AOPEP: variants seen among roughly 807,000 people sequenced by gnomAD.
The protein encoded by AOPEP is aminopeptidase O.
Under a neutral mutation model 98.1 loss-of-function variants are expected in AOPEP, and 77 were observed. That is an observed-to-expected ratio of 0.78 (90% CI 0.65 to 0.95). The LOEUF (loss-of-function observed/expected upper bound fraction) is 0.95. AOPEP is among the 40% of genes least tolerant of loss of function. The pLI, the probability that AOPEP is intolerant of heterozygous loss-of-function variation, is 0.00. For missense variants in AOPEP, 1,024 were observed against 1,024.7 expected (o/e 1.00, Z 0.01); for synonymous variants, 346 against 365.3 (o/e 0.95, Z 0.60).
intron 4 of AOPEP, among the ~76,000 whole-genome samples, chr9:94,799,754 C>T (rs992034874): frequency 4.0e-5 from 6 of 151,832 alleles, no homozygotes; most frequent in African/African-American, 1.2e-4. Context: ...CCCAGCTACT[C>T]AGGAGGCTGA....
the AOPEP span, chr9:95,101,690 C>A: frequency 4.3e-6 from 7 of 1,613,324 alleles, no homozygotes; most frequent in Middle Eastern, 5.2e-4. Flanking sequence ...CGGGCACCCA[C>A]ACGGCCTGCG....
chr9:94,741,629 T>C (rs2131952122), intron 1 of AOPEP, among the ~76,000 whole-genome samples: 1 of 152,208 alleles, frequency 6.6e-6, no homozygotes, highest in African/African-American at 2.4e-5. Context: ...TTCAGGAATC[T>C]TACTCTTAGT....
At chr9:95,130,852 A>G in the AOPEP span, among the ~76,000 whole-genome samples, 1 of 152,214 alleles carries the variant, frequency 6.6e-6, no homozygotes, top group Non-Finnish European at 1.5e-5. Context: ...TTGGCTTGAG[A>G]AAAACCTATT....
intron 13 of AOPEP, among the ~76,000 whole-genome samples, chr9:95,017,152 A>C (rs954301093): frequency 6.6e-6 from 1 of 152,106 alleles, no homozygotes; most frequent in African/African-American, 2.4e-5. Context: ...TCTGGATCCT[A>C]TTCGTATACA....
At chr9:94,834,164 G>C (rs2041257652) in intron 5 of AOPEP, among the ~76,000 whole-genome samples, 1 of 152,172 alleles carries the variant, frequency 6.6e-6, no homozygotes, top group South Asian at 2.1e-4. Context: ...CAATTTACAG[G>C]AAGTACAGAG....
At chr9:95,100,276 CA>C in the AOPEP span, 4 of 232,926 alleles carry the variant, frequency 1.7e-5, no homozygotes, top group East Asian at 2.4e-4. Context: ...CAGCTGCCAC[CA>C]AAATACTTTA....
intron 1 of AOPEP, among the ~76,000 whole-genome samples, chr9:94,729,125 G>A (rs142256404): frequency 2.6e-4 from 39 of 152,316 alleles, no homozygotes; most frequent in Non-Finnish European, 7.4e-5. Flanking sequence ...TTCAGCTTTT[G>A]TTGAGCTTAG....
rs3992777 is a variant in AOPEP at position 94,962,730 on chromosome 9, C to CTTTTTTT, written c.1873-5014_1873-5008dup. ...CTGTCCAGCATTTCAATATTATCATCTTTTTTTTTTTTTTTTTTTTGAGAC... is the reference window on the plus strand; with the variant it reads ...CTGTCCAGCATTTCAATATTATCATCTTTTTTTTTTTTTTTTTTTTTTTTTTTGAGAC... On this transcript the variant is annotated intron_variant, in intron 9 of 16. Coordinates refer to ENST00000375315, the MANE Select transcript of AOPEP (RefSeq NM_001193329.3). Among the ~76,000 whole-genome samples the CTTTTTTT allele has an allele frequency of 1.5e-3, 200 of 129,728 alleles. 5 individuals are homozygous for CTTTTTTT. The highest frequency in any genetic ancestry group is 4.8e-3 in the African/African-American group (156 of 32,220). The allele number at this position is 129,728 out of a possible 152,430, so 85.1% of individuals were successfully genotyped here. A position where few individuals can be genotyped will look rare whatever the true frequency, so the allele number is the denominator to read the frequency against.
At position 95,018,809 on chromosome 9, in the gene AOPEP, G is replaced by GA. The variant is rs2063218014; in HGVS notation, c.2115+13196dup. On this transcript the variant is annotated intron_variant, in intron 13 of 16. Coordinates refer to ENST00000375315, the MANE Select transcript of AOPEP (RefSeq NM_001193329.3). ...ACTGTGCAACCGCATGTCATCCTGT[G>GA]AAAGGGCAGATACGTGCCTCGTCAG... 3 of 152,224 alleles carry GA rather than the reference G, an allele frequency of 2.0e-5. No homozygotes were observed. In the South Asian group the frequency reaches 6.2e-4, roughly 31 times the overall value. The allele number at this position is 152,224 out of a possible 1,614,324, so 9.4% of individuals were successfully genotyped here.
At chr9:95,051,905 G>C (rs1356216577) in intron 13 of AOPEP, among the ~76,000 whole-genome samples, 1 of 151,896 alleles carries the variant, frequency 6.6e-6, no homozygotes, top group Non-Finnish European at 1.5e-5. Context: ...GGGTTTCACT[G>C]TGTTAGCCAG....
chr9:95,082,832 T>A, intron 16 of AOPEP, 113 bp downstream of exon 16: 1 of 1,256,946 alleles, frequency 8.0e-7, no homozygotes, highest in Admixed American at 2.0e-5. Flanking sequence ...GCATCAATAG[T>A]CGGCTCCCTG....
At chr9:95,118,575 C>T in the AOPEP span, among the ~76,000 whole-genome samples, 650 of 152,290 alleles carry the variant, frequency 4.3e-3, 2 homozygotes, top group African/African-American at 0.015. Flanking sequence ...ACAATCATTC[C>T]CTCCACCCCA....
At chr9:94,923,187 C>T (rs1194720908) in intron 5 of AOPEP, among the ~76,000 whole-genome samples, 1 of 152,090 alleles carries the variant, frequency 6.6e-6, no homozygotes, top group African/African-American at 2.4e-5. Context: ...TTCGTCAGCT[C>T]CCCTTCTTCC....
intron 1 of AOPEP, among the ~76,000 whole-genome samples, chr9:94,739,162 C>A (rs977300310): frequency 6.6e-6 from 1 of 152,138 alleles, no homozygotes; most frequent in African/African-American, 2.4e-5. Flanking sequence ...CTCCACCCAC[C>A]CATCTCCTGG....
the AOPEP span, chr9:95,111,380 C>T: frequency 6.3e-7 from 1 of 1,597,502 alleles, no homozygotes; most frequent in African/African-American, 1.3e-5. Flanking sequence ...GGAAGCCAAG[C>T]CCACAACAGA....
Position 94,972,840 on chromosome 9 carries a change from G to A in AOPEP, c.1916+5039G>A, listed in dbSNP as rs934452416. On this transcript the variant is annotated intron_variant, in intron 10 of 16. Transcript: ENST00000375315. This position sits in a 1 kb window ranked among gnomAD's most constrained non-coding sequence, Gnocchi z 4.2. ...TGTAGTCTCAGCTACTCGGGAGGCT[G>A]AGGTGGGAGGATGGCTTGAGTCCAG... is the stretch of plus-strand genomic sequence containing the variant. 1.3e-5 allele frequency among the ~76,000 whole-genome samples: 2 copies of A among 152,094 alleles called. No homozygotes were observed. The highest frequency in any genetic ancestry group is 4.8e-5 in the African/African-American group (2 of 41,396).
chr9:94,727,031 C>T (rs1372720465), intron 1 of AOPEP, among the ~76,000 whole-genome samples: 1 of 152,242 alleles, frequency 6.6e-6, no homozygotes, highest in Non-Finnish European at 1.5e-5. Flanking sequence ...AGACCTTTCT[C>T]AGCCTCTGGG....
At chr9:94,919,567 G>C (rs1002394502) in intron 5 of AOPEP, among the ~76,000 whole-genome samples, 7 of 152,168 alleles carry the variant, frequency 4.6e-5, no homozygotes, top group African/African-American at 7.2e-5. Flanking sequence ...TTAGAAGAAG[G>C]GGCAGGGGCT....
At chr9:95,144,846 G>A in the AOPEP span, among the ~76,000 whole-genome samples, 3 of 152,252 alleles carry the variant, frequency 2.0e-5, no homozygotes, top group African/African-American at 4.8e-5. Flanking sequence ...GGAAAGAATC[G>A]AGCGCCGCGC....
Sources: gnomAD v4.1 joint callset for allele counts (sites outside exome capture counted in the v4.1 genomes callset) on GRCh38, gnomAD v4.1.1 for gene constraint, Gnocchi (gnomAD v3.1) non-coding constraint, MANE v1.5 for transcripts, NCBI Gene and HGNC (gene_info 2026-07-23, HGNC 2026-07-21) for gene names.